Variants in RPTOR observed in about 807,000 individuals in gnomAD.
RPTOR encodes regulatory-associated protein of mTOR.
Under a neutral mutation model 169.9 loss-of-function variants are expected in RPTOR, and 21 were observed. The ratio of observed to expected loss-of-function variants is 0.12; its 90% CI spans 0.09 to 0.18. The LOEUF (loss-of-function observed/expected upper bound fraction) is 0.18. Ranked by LOEUF, RPTOR falls within the 10% of genes least tolerant of loss-of-function variation. RPTOR has a pLI of 1.00. For missense variants in RPTOR, 1,133 were observed against 1,855.9 expected (o/e 0.61, Z 7.16); for synonymous variants, 732 against 753.2 (o/e 0.97, Z 0.46).
At chr17:80,857,139 A>G (rs955232572) in intron 12 of RPTOR, among the ~76,000 whole-genome samples, 3 of 152,212 alleles carry the variant, frequency 2.0e-5, no homozygotes, top group African/African-American at 7.2e-5. Context: ...TTTGCCAGGC[A>G]TCCTCCACAC....
intron 20 of RPTOR, among the ~76,000 whole-genome samples, chr17:80,906,261 C>T (rs540707723): frequency 2.6e-4 from 40 of 152,064 alleles, no homozygotes; most frequent in Non-Finnish European, 5.6e-4. Context: ...TTGTGTTGCA[C>T]GGAGCAGTTC....
intron 1 of RPTOR, among the ~76,000 whole-genome samples, chr17:80,554,626 C>T (rs907250058): frequency 2.0e-5 from 3 of 152,088 alleles, no homozygotes; most frequent in African/African-American, 7.2e-5. Context: ...CGCCTGTAGT[C>T]CCAGCTACTT....
At chr17:80,723,636 G>A (rs1360943293) in intron 4 of RPTOR, among the ~76,000 whole-genome samples, 1 of 151,310 alleles carries the variant, frequency 6.6e-6, no homozygotes, top group Non-Finnish European at 1.5e-5. Flanking sequence ...TAGAAACCAA[G>A]ATGTGGCCTC....
At chr17:80,905,923 G>A (rs1465257719) in intron 20 of RPTOR, among the ~76,000 whole-genome samples, 1 of 152,202 alleles carries the variant, frequency 6.6e-6, no homozygotes, top group Admixed American at 6.5e-5. Context: ...CTCATATAAG[G>A]CCAGCTGCCC....
intron 1 of RPTOR, among the ~76,000 whole-genome samples, chr17:80,578,907 T>A (rs983707367): frequency 1.3e-5 from 2 of 152,164 alleles, no homozygotes; most frequent in East Asian, 3.9e-4. Flanking sequence ...GGAACCATCC[T>A]CCCTCCTCGC....
chr17:80,592,925 G>A (rs770989831), intron 1 of RPTOR, among the ~76,000 whole-genome samples: 2 of 152,188 alleles, frequency 1.3e-5, no homozygotes, highest in Non-Finnish European at 2.9e-5. Context: ...GAGTCTTAGT[G>A]GCTCCCAGTT....
intron 1 of RPTOR, among the ~76,000 whole-genome samples, chr17:80,613,537 GAACT>G (rs775135933): frequency 1.3e-5 from 2 of 152,256 alleles, no homozygotes; most frequent in East Asian, 1.9e-4. Flanking sequence ...ACACTTTCAA[GAACT>G]AACAGGACAC....
At chr17:80,924,144 C>T (rs73355889) in intron 23 of RPTOR, 3,014 of 163,646 alleles carry the variant, frequency 0.018, 106 homozygotes, top group African/African-American at 0.068. Flanking sequence ...AATAGGTACA[C>T]TCTCTTTGCC....
At chr17:80,648,812 T>C (rs9914825) in intron 3 of RPTOR, among the ~76,000 whole-genome samples, 58,787 of 151,890 alleles carry the variant, frequency 0.39, 12,988 homozygotes, top group African/African-American at 0.62. Flanking sequence ...CCACGTGCCA[T>C]AGGGGGAACC....
At chr17:80,629,728 T>C (rs2065427803) in intron 2 of RPTOR, among the ~76,000 whole-genome samples, 2 of 151,216 alleles carry the variant, frequency 1.3e-5, no homozygotes, top group South Asian at 4.2e-4. Flanking sequence ...CATGTGTCTC[T>C]CTCTTCTGGG....
At chr17:80,689,529 C>T (rs1285828557) in intron 3 of RPTOR, among the ~76,000 whole-genome samples, 1 of 152,228 alleles carries the variant, frequency 6.6e-6, no homozygotes. Flanking sequence ...GAGGAATTTA[C>T]TAGATTTCAG....
rs1007578835 is a variant in RPTOR, at chr17:80,562,628, A to G, written c.162+16837A>G. On this transcript the variant is annotated intron_variant, in intron 1 of 33. Coordinates refer to ENST00000306801, the MANE Select transcript of RPTOR (RefSeq NM_020761.3). This position sits in a 1 kb window ranked among gnomAD's most constrained non-coding sequence, Gnocchi z 4.4. ...GCGAAACCCCGTCTCTACTAAAAAT[A>G]CAGGAATTATCTGGGTGTGGTGACG... 2.6e-5 allele frequency among the ~76,000 whole-genome samples: 4 copies of G among 152,178 alleles called. No individual in the cohort carries two copies. Among genetic ancestry groups the G allele is most frequent in the African/African-American group, 9.6e-5 (4 of 41,454 alleles).
chr17:80,792,233 T>C (rs2143497626), intron 7 of RPTOR, among the ~76,000 whole-genome samples: 1 of 152,262 alleles, frequency 6.6e-6, no homozygotes, highest in Non-Finnish European at 1.5e-5. Context: ...CAGAACCCCA[T>C]TTCTTCTAGA....
intron 7 of RPTOR, among the ~76,000 whole-genome samples, chr17:80,793,270 C>T (rs907201630): frequency 2.0e-5 from 3 of 152,244 alleles, no homozygotes; most frequent in East Asian, 1.9e-4. Flanking sequence ...ATTCGAAATC[C>T]GAAACGCTTC....
intron 3 of RPTOR, among the ~76,000 whole-genome samples, chr17:80,671,379 T>C (rs2065820867): frequency 6.6e-6 from 1 of 152,188 alleles, no homozygotes; most frequent in African/African-American, 2.4e-5. Context: ...TCTGTAATTA[T>C]TGGGTTCTTC....
chr17:80,583,258 C>T (rs1324945657), intron 1 of RPTOR, among the ~76,000 whole-genome samples: 2 of 143,382 alleles, frequency 1.4e-5, no homozygotes, highest in Non-Finnish European at 3.0e-5. Context: ...GCGCGATCAC[C>T]GCTCATTGCA....
chr17:80,700,731 T>TA (rs2066089190), intron 3 of RPTOR, among the ~76,000 whole-genome samples: 1 of 16,584 alleles, frequency 6.0e-5, no homozygotes, highest in African/African-American at 1.9e-4. Context: ...GTGGTGGTGA[T>TA]GATGGTGGTG....
At chr17:80,879,762 G>A (rs1450046834) in intron 13 of RPTOR, among the ~76,000 whole-genome samples, 2 of 152,206 alleles carry the variant, frequency 1.3e-5, no homozygotes, top group African/African-American at 2.4e-5. Context: ...ACTGAGGCGA[G>A]TCATGGCCAC....
intron 21 of RPTOR, among the ~76,000 whole-genome samples, chr17:80,917,871 C>G (rs1303919024): frequency 1.3e-5 from 2 of 152,164 alleles, no homozygotes; most frequent in African/African-American, 4.8e-5. Context: ...CATCCCACCC[C>G]TGCCTGGTTT....
Sources: gnomAD v4.1 joint callset for allele counts (sites outside exome capture counted in the v4.1 genomes callset) on GRCh38, gnomAD v4.1.1 for gene constraint, Gnocchi (gnomAD v3.1) non-coding constraint, MANE v1.5 for transcripts, NCBI Gene and HGNC (gene_info 2026-07-23, HGNC 2026-07-21) for gene names.